Variants in RYR2 observed in about 807,000 individuals in gnomAD.
RYR2 encodes the protein ryanodine receptor 2.
RYR2 carries 227 observed loss-of-function variants against 601.1 expected under a neutral mutation model. The ratio of observed to expected loss-of-function variants is 0.38; its 90% CI spans 0.34 to 0.42. RYR2 has a LOEUF of 0.42. RYR2 is among the 10% of genes least tolerant of loss of function. RYR2 has a pLI of 1.00. For synonymous variants in RYR2, 2,223 were observed against 2,175.1 expected (o/e 1.02, Z -0.61); for missense variants, 4,646 against 6,156.5 (o/e 0.75, Z 8.21).
At chr1:237,796,641 A>T (rs1219185455) in intron 96 of RYR2, among the ~76,000 whole-genome samples, 1 of 151,950 alleles carries the variant, frequency 6.6e-6, no homozygotes, top group Admixed American at 6.6e-5. Context: ...CTTGTTCAGT[A>T]TATTTCCTTC....
In RYR2 at chr1:237,235,134, C is replaced by A. The variant is rs12408177; in HGVS notation, c.49-35363C>A. On this transcript the variant is annotated intron_variant, in intron 1 of 104. Coordinates refer to ENST00000366574, the MANE Select transcript of RYR2 (RefSeq NM_001035.3). ...GTTTGATGTCTTCTCTCCAGTTCTT[C>A]TTTATTGACTTTTCCTCTGTGTATA... is the stretch of plus-strand genomic sequence containing the variant. Among the ~76,000 whole-genome samples the A allele has an allele frequency of 8.0e-3, 1,215 of 152,262 alleles. 57 individuals are homozygous for A. The highest frequency in any genetic ancestry group is 0.072 in the Admixed American group (1,102 of 15,292).
At chr1:237,095,295 C>T (rs12036881) in intron 1 of RYR2, among the ~76,000 whole-genome samples, 1 of 152,278 alleles carries the variant, frequency 6.6e-6, no homozygotes, top group East Asian at 1.9e-4. Flanking sequence ...CATTTCTAGT[C>T]TCTGGGTCTT....
chr1:237,391,658 G>C (rs1011818268), intron 10 of RYR2, among the ~76,000 whole-genome samples: 1 of 152,068 alleles, frequency 6.6e-6, no homozygotes, highest in African/African-American at 2.4e-5. Context: ...TGTAATTGTA[G>C]CTATTGAAAA....
chr1:237,677,961 G>T, intron 60 of RYR2, 87 bp from the exon 61 acceptor site: 2 of 824,046 alleles, frequency 2.4e-6, no homozygotes, highest in Non-Finnish European at 4.1e-6. Flanking sequence ...AATACATTTA[G>T]CAATGCTTTC....
chr1:237,567,682 G>T (rs2148262589), intron 28 of RYR2, among the ~76,000 whole-genome samples: 1 of 151,524 alleles, frequency 6.6e-6, no homozygotes, highest in Admixed American at 6.6e-5. Context: ...TAAAATCATA[G>T]ATTTTTTTAA....
At chr1:237,573,060 C>G (rs1672860304) in intron 29 of RYR2, among the ~76,000 whole-genome samples, 1 of 152,102 alleles carries the variant, frequency 6.6e-6, no homozygotes, top group African/African-American at 2.4e-5. Flanking sequence ...TTAAATTTTT[C>G]TTACACCTAG....
At chr1:237,223,598 T>C (rs1293357948) in intron 1 of RYR2, among the ~76,000 whole-genome samples, 1 of 152,158 alleles carries the variant, frequency 6.6e-6, no homozygotes. Context: ...CAAAATTTTC[T>C]TTCTTCTTCT....
intron 4 of RYR2, among the ~76,000 whole-genome samples, chr1:237,363,942 T>C (rs1339692380): frequency 6.6e-6 from 1 of 152,168 alleles, no homozygotes; most frequent in Non-Finnish European, 1.5e-5. Flanking sequence ...ATCTACTGTT[T>C]TTATTAAAAT....
At chr1:237,280,943 C>A (rs894840879) in intron 2 of RYR2, among the ~76,000 whole-genome samples, 1 of 152,052 alleles carries the variant, frequency 6.6e-6, no homozygotes, top group African/African-American at 2.4e-5. Flanking sequence ...CACCACCACA[C>A]CTGGCTAATT....
chr1:237,233,756 G>A (rs1356964256), intron 1 of RYR2, among the ~76,000 whole-genome samples: 1 of 152,162 alleles, frequency 6.6e-6, no homozygotes, highest in African/African-American at 2.4e-5. Flanking sequence ...CTGGGTTCAA[G>A]GGATTCTCCT....
intron 12 of RYR2, among the ~76,000 whole-genome samples, chr1:237,426,166 C>T (rs1233594318): frequency 1.3e-5 from 2 of 152,158 alleles, no homozygotes; most frequent in African/African-American, 4.8e-5. Flanking sequence ...CAATGCCTTT[C>T]TCTTTCAACT....
chr1:237,661,442 CT>C (rs898238432), intron 56 of RYR2, among the ~76,000 whole-genome samples: 3 of 151,968 alleles, frequency 2.0e-5, no homozygotes, highest in Admixed American at 2.0e-4. Context: ...ACGTGTATAC[CT>C]ATGTAACAAA....
At chr1:237,728,351 CT>C (rs1223290481) in intron 76 of RYR2, among the ~76,000 whole-genome samples, 2 of 152,136 alleles carry the variant, frequency 1.3e-5, no homozygotes, top group Admixed American at 6.5e-5. Flanking sequence ...CTCAATTATG[CT>C]GTCACCTTTT....
chr1:237,376,433 T>TA (rs1343164173), intron 7 of RYR2, among the ~76,000 whole-genome samples: 3 of 152,048 alleles, frequency 2.0e-5, no homozygotes, highest in Non-Finnish European at 4.4e-5. Flanking sequence ...GTTAGGGACT[T>TA]ACATTCTGGC....
At chr1:237,356,405 A>G (rs963544622) in intron 4 of RYR2, among the ~76,000 whole-genome samples, 9 of 151,082 alleles carry the variant, frequency 6.0e-5, no homozygotes, top group African/African-American at 1.9e-4. Flanking sequence ...ACAATTATAT[A>G]TATAGTCATA....
At chr1:237,564,833 CG>C (rs1351895307) in intron 27 of RYR2, among the ~76,000 whole-genome samples, 1 of 152,184 alleles carries the variant, frequency 6.6e-6, no homozygotes, top group Non-Finnish European at 1.5e-5. Flanking sequence ...AGTTATTGAT[CG>C]TTTCATTAAT....
chr1:237,637,835 T>A (rs909773150), intron 44 of RYR2, among the ~76,000 whole-genome samples: 4 of 152,214 alleles, frequency 2.6e-5, no homozygotes, highest in African/African-American at 9.6e-5. Flanking sequence ...GTTTTACACA[T>A]AATCCTGCAG....
chr1:237,725,730 T>C (rs2149136221), intron 74 of RYR2, among the ~76,000 whole-genome samples: 1 of 152,210 alleles, frequency 6.6e-6, no homozygotes, highest in East Asian at 1.9e-4. Flanking sequence ...TGAAATACTT[T>C]AATAGGCAGG....
intron 1 of RYR2, among the ~76,000 whole-genome samples, chr1:237,043,927 G>T (rs573168090): frequency 6.6e-5 from 10 of 152,328 alleles, no homozygotes; most frequent in African/African-American, 2.2e-4. Flanking sequence ...CGTTGTAAAC[G>T]ACTGTCTCTT....
Sources: allele counts gnomAD v4.1 joint callset (sites outside exome capture counted in the v4.1 genomes callset), GRCh38; gene constraint gnomAD v4.1.1; transcripts MANE v1.5; gene names NCBI Gene and HGNC (gene_info 2026-07-23, HGNC 2026-07-21).